Variants in CDC14A observed in about 807,000 individuals in gnomAD.
CDC14A encodes the protein dual specificity protein phosphatase CDC14A.
CDC14A carries 53 observed loss-of-function variants against 74.4 expected under a neutral mutation model. The observed-to-expected ratio is 0.71, with a 90% CI of 0.57 to 0.89. The LOEUF (loss-of-function observed/expected upper bound fraction) is 0.89, where lower values mean the gene tolerates loss of function less well. Among genes scored for constraint, CDC14A ranks in the 40% least tolerant of loss-of-function variants. CDC14A has a pLI of 0.00. For missense variants in CDC14A, 646 were observed against 713.7 expected (o/e 0.91, Z 1.08); for synonymous variants, 247 against 258.4 (o/e 0.96, Z 0.43).
chr1:100,431,335 C>G (rs1164909419), intron 5 of CDC14A, among the ~76,000 whole-genome samples: 1 of 151,448 alleles, frequency 6.6e-6, no homozygotes, highest in African/African-American at 2.4e-5. Flanking sequence ...GGTTCCAGAT[C>G]AGTTTTACCA....
chr1:100,452,791 C>T (rs1316919042), intron 7 of CDC14A, among the ~76,000 whole-genome samples: 1 of 152,116 alleles, frequency 6.6e-6, no homozygotes, highest in Non-Finnish European at 1.5e-5. Context: ...ACTCTTGCCT[C>T]ATCCTTGCTT....
chr1:100,425,177 A>AATAC (rs1179672465), intron 5 of CDC14A, among the ~76,000 whole-genome samples: 1 of 152,080 alleles, frequency 6.6e-6, no homozygotes, highest in Non-Finnish European at 1.5e-5. Flanking sequence ...CAAATAAATA[A>AATAC]ATACATACAT....
intron 5 of CDC14A, among the ~76,000 whole-genome samples, chr1:100,427,359 TC>T (rs1663080266): frequency 6.6e-6 from 1 of 152,198 alleles, no homozygotes; most frequent in Non-Finnish European, 1.5e-5. Flanking sequence ...CACTGAAATG[TC>T]TGTGTTCCCA....
At chr1:100,483,205 C>T (rs1338643979) in intron 10 of CDC14A, among the ~76,000 whole-genome samples, 1 of 152,074 alleles carries the variant, frequency 6.6e-6, no homozygotes, top group Non-Finnish European at 1.5e-5. Context: ...TACACTCCCA[C>T]CAACAGTGTA....
At chr1:100,348,931 A>G (rs1411187686), upstream of CDC14A, among the ~76,000 whole-genome samples, 3 of 152,208 alleles carry the variant, frequency 2.0e-5, no homozygotes, top group Non-Finnish European at 2.9e-5. Flanking sequence ...GCAGTGGCTC[A>G]TATCTGTAAT....
At chr1:100,420,118 A>C (rs1374690005) in intron 4 of CDC14A, among the ~76,000 whole-genome samples, 1 of 108,752 alleles carries the variant, frequency 9.2e-6, no homozygotes, top group Non-Finnish European at 1.9e-5. Flanking sequence ...TTTGCTGAAA[A>C]GGTTTTTTTT....
At position 100,504,903 on chromosome 1, in the gene CDC14A, T is replaced by C. The variant is rs189893734; in HGVS notation, c.1755+5641T>C. The C allele has an allele frequency of 1.5e-3, 2,327 of 1,531,870 alleles. 11 individuals carry two copies. Among genetic ancestry groups the C allele is most frequent in the South Asian group, 6.8e-3 (574 of 83,972 alleles). 94.9% of individuals were successfully genotyped at this position (1,531,870 alleles called of 1,614,324 possible). A position where few individuals can be genotyped will look rare whatever the true frequency, so the allele number is the denominator to read the frequency against. On this transcript the variant is annotated intron_variant, in intron 15 of 15. Coordinates refer to ENST00000336454, the MANE Select transcript of CDC14A (RefSeq NM_003672.4). Reference sequence around the variant, plus strand: ...TTTCTCATCTTTAAATAAAGACATATATTACCTCCCATGTCTTCTGTGAAG... The same window carrying C: ...TTTCTCATCTTTAAATAAAGACATACATTACCTCCCATGTCTTCTGTGAAG...
intron 10 of CDC14A, among the ~76,000 whole-genome samples, chr1:100,475,551 G>A (rs79408751): frequency 0.057 from 8,638 of 152,214 alleles, 822 homozygotes; most frequent in African/African-American, 0.2. Context: ...GGTGGTGGCA[G>A]CTGGGTTGGG....
intron 15 of CDC14A, among the ~76,000 whole-genome samples, chr1:100,513,940 T>G (rs925800491): frequency 7.2e-5 from 11 of 152,152 alleles, no homozygotes; most frequent in African/African-American, 2.7e-4. Context: ...TAAGGCAATT[T>G]TATCCTTATT....
intron 4 of CDC14A, among the ~76,000 whole-genome samples, chr1:100,414,542 A>ACATACTTT (rs1390020820): frequency 2.0e-5 from 3 of 152,074 alleles, no homozygotes; most frequent in Non-Finnish European, 4.4e-5. Flanking sequence ...GGTTTAAATA[A>ACATACTTT]CATACTTTTT....
intron 6 of CDC14A, among the ~76,000 whole-genome samples, chr1:100,441,320 T>TGC (rs1336530952): frequency 6.6e-6 from 1 of 152,220 alleles, no homozygotes; most frequent in East Asian, 1.9e-4. Flanking sequence ...TTGTGCAGCA[T>TGC]GTCTTTAAGC....
intron 4 of CDC14A, among the ~76,000 whole-genome samples, chr1:100,406,968 A>C (rs112528500): frequency 0.02 from 2,929 of 150,146 alleles, 54 homozygotes; most frequent in Admixed American, 0.038. Flanking sequence ...TCCTTTCTCC[A>C]TTGCTTGCTT....
At chr1:100,347,165 G>A (rs1650495103) in intron 1 of CDC14A, among the ~76,000 whole-genome samples, 1 of 152,190 alleles carries the variant, frequency 6.6e-6, no homozygotes, top group African/African-American at 2.4e-5. Flanking sequence ...GCTCACTAGG[G>A]AAAAATTAAG....
chr1:100,351,540 A>T (rs1650997291), upstream of CDC14A, among the ~76,000 whole-genome samples: 1 of 152,178 alleles, frequency 6.6e-6, no homozygotes, highest in East Asian at 1.9e-4. Flanking sequence ...TCCTGCCTGG[A>T]GCGCTTCAGC....
At chr1:100,472,628 ACT>A (rs1337536958) in intron 10 of CDC14A, among the ~76,000 whole-genome samples, 1 of 150,726 alleles carries the variant, frequency 6.6e-6, no homozygotes, top group African/African-American at 2.4e-5. Flanking sequence ...ATTGTCTGAG[ACT>A]CTTAGTTTAG....
intron 10 of CDC14A, among the ~76,000 whole-genome samples, chr1:100,475,785 C>A (rs987414297): frequency 3.9e-5 from 6 of 152,126 alleles, no homozygotes; most frequent in Non-Finnish European, 2.9e-5. Flanking sequence ...CCTGTGACAC[C>A]ACTCCAGCTG....
At chr1:100,351,884 A>G, upstream of CDC14A, 1 of 1,314,260 alleles carries the variant, frequency 7.6e-7, no homozygotes, top group Non-Finnish European at 1.1e-6. Context: ...TTTTTTATAA[A>G]GATGCAGACC....
rs1557786152 is a variant in CDC14A, at chr1:100,462,814, C to T, written c.771C>T (p.Asp257=). The T allele has an allele frequency of 1.2e-6, 2 of 1,613,980 alleles. No homozygotes were observed. Among genetic ancestry groups the T allele is most frequent in the African/African-American group, 2.7e-5 (2 of 74,910 alleles). ...TCATAGATGGCAGCACACCCAGTGA[C>T]AACATCGTGCGAAGGTTCCTGAACA... ...LFFIDGSTPS[D]NIVRRFLNIC... The change falls in exon 9 of 16, where the codon GAC becomes GAT. Residue 257 remains aspartate (D), a synonymous_variant. Coordinates refer to ENST00000336454, the MANE Select transcript of CDC14A (RefSeq NM_003672.4).
chr1:100,351,943 G>A, upstream of CDC14A: 1 of 756,392 alleles, frequency 1.3e-6, no homozygotes, highest in Admixed American at 2.5e-5. Context: ...CTAGAGGCGA[G>A]GCAGGGCACG....
Sources: gnomAD v4.1 joint callset for allele counts (sites outside exome capture counted in the v4.1 genomes callset) on GRCh38, gnomAD v4.1.1 for gene constraint, MANE v1.5 for transcripts, NCBI Gene and HGNC (gene_info 2026-07-23, HGNC 2026-07-21) for gene names.